Variants in IL1RL2 observed in about 807,000 individuals in gnomAD.
IL1RL2 encodes interleukin-1 receptor-like 2.
A neutral mutation model predicts 66.8 loss-of-function variants in IL1RL2; 68 were observed. The observed-to-expected ratio is 1.02, with a 90% CI of 0.84 to 1.25. The LOEUF is 1.25. IL1RL2 is among the 50% of genes most tolerant of loss of function. The pLI is 0.00. For synonymous variants in IL1RL2, 305 were observed against 264.6 expected, an observed-to-expected ratio of 1.15 and a Z score of -1.48; for missense variants, 729 against 709.3, an observed-to-expected ratio of 1.03 and a Z score of -0.32.
intron 6 of IL1RL2, among the ~76,000 whole-genome samples, chr2:102,213,254 T>G (rs1455050097): frequency 6.6e-6 from 1 of 152,210 alleles, no homozygotes; most frequent in East Asian, 1.9e-4. Context: ...GTAAAAGTAA[T>G]GTGTCTAATA....
chr2:102,194,396 G>A (rs756184075), intron 4 of IL1RL2, among the ~76,000 whole-genome samples: 6 of 152,124 alleles, frequency 3.9e-5, no homozygotes, highest in Non-Finnish European at 7.4e-5. Flanking sequence ...TAGAATCAAA[G>A]CTGGTATGAA....
At chr2:102,190,992 A>G (rs1352873314) in intron 3 of IL1RL2, among the ~76,000 whole-genome samples, 1 of 152,214 alleles carries the variant, frequency 6.6e-6, no homozygotes, top group Non-Finnish European at 1.5e-5. Context: ...AAATAATTTT[A>G]AATTTAAATA....
intron 8 of IL1RL2, among the ~76,000 whole-genome samples, chr2:102,224,511 A>G (rs1690426510): frequency 6.6e-6 from 1 of 152,182 alleles, no homozygotes; most frequent in Non-Finnish European, 1.5e-5. Flanking sequence ...TGTGAGAACT[A>G]AAAAAATTGA....
At chr2:102,207,288 G>T (rs893544448) in intron 5 of IL1RL2, among the ~76,000 whole-genome samples, 3 of 152,098 alleles carry the variant, frequency 2.0e-5, no homozygotes, top group Non-Finnish European at 1.5e-5. Context: ...TTTTCCTTCT[G>T]CTTTTCTCAA....
intron 5 of IL1RL2, among the ~76,000 whole-genome samples, chr2:102,207,188 A>T (rs965100217): frequency 3.9e-5 from 6 of 152,108 alleles, no homozygotes; most frequent in Non-Finnish European, 5.9e-5. Context: ...GCCATCCAAG[A>T]TTCAAGTCCC....
intron 8 of IL1RL2, among the ~76,000 whole-genome samples, chr2:102,221,304 CT>C (rs1179424336): frequency 6.6e-6 from 1 of 152,142 alleles, no homozygotes; most frequent in Non-Finnish European, 1.5e-5. Flanking sequence ...CCTCAAATCT[CT>C]TTCCCCTTTA....
chr2:102,198,239 A>G (rs929798157), intron 4 of IL1RL2, among the ~76,000 whole-genome samples: 5 of 152,216 alleles, frequency 3.3e-5, no homozygotes, highest in Non-Finnish European at 5.9e-5. Flanking sequence ...AAAGTAATAA[A>G]TTTAATTTTA....
intron 5 of IL1RL2, among the ~76,000 whole-genome samples, chr2:102,203,590 C>T (rs1688454482): frequency 6.6e-6 from 1 of 151,896 alleles, no homozygotes; most frequent in South Asian, 2.1e-4. Context: ...TATATTGTTA[C>T]TTGTTATTGG....
rs940544256 is a variant in IL1RL2, at chr2:102,234,647, C to T, written c.1298-250C>T. Among the ~76,000 whole-genome samples the T allele has an allele frequency of 3.9e-5, 6 of 152,042 alleles. No individual in the cohort carries two copies. In the South Asian group the frequency reaches 6.2e-4, roughly 16 times the overall value. ...ACTAAAAATGCAAAAATTAGCTGGA[C>T]GTGGTGGTACGTGTCTGTAATCCCA... On this transcript the variant is annotated intron_variant, in intron 10 of 11. Coordinates refer to ENST00000264257, the MANE Select transcript of IL1RL2 (RefSeq NM_003854.4).
intron 5 of IL1RL2, among the ~76,000 whole-genome samples, chr2:102,209,642 A>T (rs1322496429): frequency 6.6e-6 from 1 of 152,220 alleles, no homozygotes; most frequent in Non-Finnish European, 1.5e-5. Context: ...CTGTTTATGC[A>T]TAGGCTTTAC....
rs1183997820 is a variant in IL1RL2, at chr2:102,192,097, T to C, written c.466T>C (p.Leu156=). 1 of 1,597,038 alleles carries C rather than the reference T, an allele frequency of 6.3e-7. No individual in the cohort carries two copies. The highest frequency in any genetic ancestry group is 1.4e-5 in the African/African-American group (1 of 73,798). The part of the protein sequence containing the change: ...CHLHFPKSCV[L]GPIKWYKDCN... ...TCTGCACTTCCCGAAGAGTTGTGTT[T>C]TGGGTCCAATAAAGTGGTATAAGGT... Residue 156 remains leucine, a synonymous_variant, in exon 4 of 12, where the codon TTG becomes CTG. Transcript: ENST00000264257.
intron 5 of IL1RL2, 53 bp downstream of exon 5, chr2:102,201,768 ACTGGCTT>A: frequency 6.4e-7 from 1 of 1,561,614 alleles, no homozygotes; most frequent in Non-Finnish European, 8.7e-7. Flanking sequence ...CTTTGTGTGA[ACTGGCTT>A]CTGGCTTTGG....
rs866058726 is a variant in IL1RL2, at chr2:102,219,064, G to A, written c.836G>A (p.Arg279Gln). ...LVDDYYDESK[R>Q]IREGVETHVS... ...GATGATTACTATGATGAATCCAAACGAATCAGAGAAGGGGTGGAGTAGGTG... is the reference window on the plus strand; with the variant it reads ...GATGATTACTATGATGAATCCAAACAAATCAGAGAAGGGGTGGAGTAGGTG... The change falls in exon 7 of 12, where the codon CGA (arginine) becomes CAA (glutamine). Residue 279 changes from arginine (R) to glutamine (Q), a missense_variant. Physicochemically the swap from Arg to Gln is conservative, Grantham distance 43. Transcript: ENST00000264257. 6.2e-7 allele frequency: 1 copy of A among 1,613,880 alleles called. No individual in the cohort carries two copies. Among genetic ancestry groups the A allele is most frequent in the East Asian group, 2.2e-5 (1 of 44,860 alleles).
At chr2:102,217,212 G>T (rs980105682) in intron 6 of IL1RL2, among the ~76,000 whole-genome samples, 1 of 152,052 alleles carries the variant, frequency 6.6e-6, no homozygotes, top group Non-Finnish European at 1.5e-5. Context: ...TTACATTTCT[G>T]AAAGATAGTT....
intron 9 of IL1RL2, among the ~76,000 whole-genome samples, chr2:102,227,566 T>C (rs1002357381): frequency 1.2e-4 from 18 of 152,224 alleles, no homozygotes; most frequent in African/African-American, 3.6e-4. Flanking sequence ...CGACTGGGCA[T>C]GGGGAGGGGG....
At chr2:102,241,861 G>A (rs1174852587), downstream of IL1RL2, among the ~76,000 whole-genome samples, 2 of 152,364 alleles carry the variant, frequency 1.3e-5, no homozygotes, top group East Asian at 3.9e-4. Flanking sequence ...GATAATGGTA[G>A]CATTGTTATG....
In IL1RL2 at chr2:102,235,218, G is replaced by A; in HGVS notation, c.1619G>A (p.Arg540Lys). The A allele has an allele frequency of 6.2e-7, 1 of 1,614,198 alleles. No individual in the cohort carries two copies. The highest frequency in any genetic ancestry group is 8.5e-7 in the Non-Finnish European group (1 of 1,180,054). ...GTGAGATACCACATGCCGCCCAGAA[G>A]GTGTCGGCCGTTTCCTCCGGTCCAG... Reference protein sequence around the residue: ...KTVRYHMPPRRCRPFPPVQLL... With the variant: ...KTVRYHMPPRKCRPFPPVQLL... The change falls in exon 11 of 12, where the codon AGG (arginine) becomes AAG (lysine). Residue 540 changes from arginine to lysine, a missense_variant. Coordinates refer to ENST00000264257, the MANE Select transcript of IL1RL2 (RefSeq NM_003854.4).
intron 11 of IL1RL2, chr2:102,235,698 G>A (rs1674815272): frequency 3.0e-6 from 3 of 985,412 alleles, no homozygotes; most frequent in Non-Finnish European, 1.2e-6. Context: ...TCTAGCACCA[G>A]GAGAGGGTTG....
intron 2 of IL1RL2, among the ~76,000 whole-genome samples, chr2:102,188,490 A>C (rs1331847349): frequency 8.0e-5 from 12 of 149,790 alleles, no homozygotes; most frequent in African/African-American, 2.9e-4. Flanking sequence ...CAAGAGGCTG[A>C]GGCAGGAGAA....
Sources: gnomAD v4.1 joint callset for allele counts (sites outside exome capture counted in the v4.1 genomes callset) on GRCh38, gnomAD v4.1.1 for gene constraint, MANE v1.5 for transcripts, NCBI Gene and HGNC (gene_info 2026-07-23, HGNC 2026-07-21) for gene names.